WBP11: variants seen among roughly 807,000 people sequenced by gnomAD.
WBP11 encodes WW domain-binding protein 11.
A neutral mutation model predicts 66.7 loss-of-function variants in WBP11; 12 were observed. The ratio of observed to expected loss-of-function variants is 0.18; its 90% CI spans 0.12 to 0.29. WBP11 has a LOEUF of 0.29. WBP11 is among the 10% of genes least tolerant of loss of function. WBP11 has a pLI of 1.00. For synonymous variants in WBP11, 255 were observed against 273.8 expected (o/e 0.93, Z 0.68); for missense variants, 555 against 818.3 (o/e 0.68, Z 3.93).
intron 10 of WBP11, among the ~76,000 whole-genome samples, chr12:14,790,167 C>A (rs1949804407): frequency 6.6e-6 from 1 of 152,206 alleles, no homozygotes; most frequent in Non-Finnish European, 1.5e-5. Context: ...AAAAGCAATA[C>A]TAAAGAAAAC....
chr12:14,799,894 A>G (rs1949939123), intron 3 of WBP11, among the ~76,000 whole-genome samples, 166 bp from the exon 4 acceptor site: 1 of 152,220 alleles, frequency 6.6e-6, no homozygotes. Context: ...ACACTTGTCA[A>G]AAAGATAAAG....
chr12:14,789,219 G>T, intron 10 of WBP11, 86 bp from the exon 11 acceptor site: 1 of 1,230,686 alleles, frequency 8.1e-7, no homozygotes, highest in South Asian at 1.6e-5. Flanking sequence ...AATATGGTTT[G>T]ACTTTAACCT....
chr12:14,788,609 C>G (rs1949783633), intron 11 of WBP11, among the ~76,000 whole-genome samples: 1 of 152,112 alleles, frequency 6.6e-6, no homozygotes, highest in African/African-American at 2.4e-5. Flanking sequence ...CATGTCTAAC[C>G]TTGACATTAG....
In WBP11 at chr12:14,788,847, T is replaced by C. The variant is rs930644427; in HGVS notation, c.1492+104A>G. On this transcript the variant is annotated intron_variant, in intron 11 of 11. Transcript: ENST00000261167. ...GCAACTTAAAAACCACCACTGACTG[T>C]AAGATGACCTCAGATTTCAGAATAC... 3.8e-5 allele frequency: 24 copies of C among 628,984 alleles called. No individual in the cohort carries two copies. In the South Asian group the frequency reaches 8.7e-4, roughly 23 times the overall value. 39.0% of individuals were successfully genotyped at this position (628,984 alleles called of 1,614,324 possible).
At chr12:14,795,880 C>T (rs753717210) in intron 5 of WBP11, among the ~76,000 whole-genome samples, 4 of 152,110 alleles carry the variant, frequency 2.6e-5, no homozygotes, top group East Asian at 1.9e-4. Context: ...TAACCTGTGC[C>T]TTCATCTGTA....
rs772620614 is a variant in WBP11, at chr12:14,790,585, G to A, written c.1180C>T (p.Pro394Ser). 23 of 1,614,022 alleles carry A rather than the reference G, an allele frequency of 1.4e-5. No homozygotes were observed. Among genetic ancestry groups the A allele is most frequent in the Non-Finnish European group, 1.8e-5 (21 of 1,179,880 alleles). Residue 394 changes from proline (P) to serine (S), a missense_variant, in exon 10 of 12, where the codon CCG becomes TCG. Around this residue, in one of 6 missense-constraint regions of WBP11, gnomAD observed 230 missense variants for 286.3 expected, o/e 0.80. Transcript: ENST00000261167. ...STASSQQQAP[P>S]QSVPPSQIQA... ...ATCTGAGAAGGAGGAACAGACTGCG[G>A]CGGAGCCTGCTGCTGTGAAGAAGCA...
At chr12:14,793,261 C>T (rs1394847845) in intron 8 of WBP11, among the ~76,000 whole-genome samples, 1 of 152,134 alleles carries the variant, frequency 6.6e-6, no homozygotes, top group Non-Finnish European at 1.5e-5. Flanking sequence ...AATAATCAAA[C>T]ACACACATTA....
chr12:14,787,467 G>A lies in WBP11; in HGVS notation c.1524C>T (p.Arg508=). The change falls in exon 12 of 12, where the codon CGC becomes CGT. Residue 508 remains arginine, a synonymous_variant. Coordinates refer to ENST00000261167, the MANE Select transcript of WBP11 (RefSeq NM_016312.3). ...GIPPPRPGMM[R]PPLVPPLGPA... Reference sequence around the variant, plus strand: ...GTCCAAGGGGAGGCACCAAAGGTGGGCGCATCATGCCAGGACGAGGTGGAG... The same window carrying A: ...GTCCAAGGGGAGGCACCAAAGGTGGACGCATCATGCCAGGACGAGGTGGAG... The A allele has an allele frequency of 1.3e-6, 2 of 1,520,482 alleles. No individual in the cohort carries two copies. The highest frequency in any genetic ancestry group is 1.3e-5 in the South Asian group (1 of 75,714). The allele number at this position is 1,520,482 out of a possible 1,614,324, so 94.2% of individuals were successfully genotyped here. A position where few individuals can be genotyped will look rare whatever the true frequency, so the allele number is the denominator to read the frequency against.
chr12:14,791,878 A>C (rs1949825483), intron 8 of WBP11, among the ~76,000 whole-genome samples: 1 of 151,854 alleles, frequency 6.6e-6, no homozygotes, highest in Non-Finnish European at 1.5e-5. Context: ...GAAGTAATTC[A>C]GGAATGAAAA....
At chr12:14,794,415 T>C in intron 7 of WBP11, 122 bp downstream of exon 7, 1 of 1,027,056 alleles carries the variant, frequency 9.7e-7, no homozygotes, top group Non-Finnish European at 1.5e-6. Flanking sequence ...TGTATGTATA[T>C]TAGTTATGTA....
At chr12:14,801,478 T>G (rs1048419418) in intron 1 of WBP11, 50 bp from the exon 2 acceptor site, 7 of 1,241,122 alleles carry the variant, frequency 5.6e-6, no homozygotes, top group Non-Finnish European at 8.1e-6. Flanking sequence ...AATGTATTTC[T>G]TCCTTTTTCT....
At chr12:14,801,248 G>C (rs1264243173) in intron 2 of WBP11, 72 bp downstream of exon 2, 1 of 1,470,626 alleles carries the variant, frequency 6.8e-7, no homozygotes, top group East Asian at 2.3e-5. Flanking sequence ...AAGCCACAGA[G>C]AAAGAAATTC....
chr12:14,791,208 C>G lies in WBP11; in HGVS notation c.976G>C (p.Glu326Gln). 1 of 1,614,104 alleles carries G rather than the reference C, an allele frequency of 6.2e-7. No homozygotes were observed. Among genetic ancestry groups the G allele is most frequent in the Non-Finnish European group, 8.5e-7 (1 of 1,180,024 alleles). ...ATCATGGCTTGAAGAGGAGTCAGTT[C>G]CTTCATGTTCTTCTTTTTCTTCCTT... Reference protein sequence around the residue: ...KSRKKKKNMKELTPLQAMMLR... With the variant: ...KSRKKKKNMKQLTPLQAMMLR... The change falls in exon 9 of 12, where the codon GAA becomes CAA. Residue 326 changes from glutamate to glutamine, a missense_variant. Coordinates refer to ENST00000261167, the MANE Select transcript of WBP11 (RefSeq NM_016312.3).
Position 14,794,965 on chromosome 12 carries a change from C to T in WBP11, c.521+6G>A. ...ATGCTCTCTGATTGTGACACTGCTT[C>T]CTTACCCATAGGCTGAGGTTTTCTT... On this transcript the variant is annotated splice_donor_region_variant and intron_variant, in intron 6 of 11. Coordinates refer to ENST00000261167, the MANE Select transcript of WBP11 (RefSeq NM_016312.3). The T allele has an allele frequency of 6.2e-7, 1 of 1,612,122 alleles. No homozygotes were observed. Among genetic ancestry groups the T allele is most frequent in the Non-Finnish European group, 8.5e-7 (1 of 1,179,920 alleles).
rs1460770104 is a variant in WBP11 at position 14,803,407 on chromosome 12, C to T, written c.-101G>A. 5.0e-6 allele frequency: 2 copies of T among 398,786 alleles called. No individual in the cohort carries two copies. Among genetic ancestry groups the T allele is most frequent in the Non-Finnish European group, 8.8e-6 (2 of 226,170 alleles). 24.7% of individuals were successfully genotyped at this position (398,786 alleles called of 1,614,324 possible). On this transcript the variant is annotated 5_prime_UTR_variant, in exon 1 of 12. Transcript: ENST00000261167. ...GCGGGTAGGGGGCGACTCCCGGCCT[C>T]TTTCACTTCGTAAAGGCCTTCAACT...
chr12:14,788,475 A>G (rs554125486), intron 11 of WBP11, among the ~76,000 whole-genome samples: 1 of 152,258 alleles, frequency 6.6e-6, no homozygotes, highest in South Asian at 2.1e-4. Flanking sequence ...CCACTGAGAG[A>G]GAGAGAGGAA....
At chr12:14,793,173 A>G (rs1456323226) in intron 8 of WBP11, among the ~76,000 whole-genome samples, 1 of 152,210 alleles carries the variant, frequency 6.6e-6, no homozygotes, top group African/African-American at 2.4e-5. Context: ...GTTTGACAGA[A>G]TTGGTGTGCA....
rs777528803 is a variant in WBP11 at position 14,793,832 on chromosome 12, G to T, written c.812C>A (p.Thr271Asn). The change falls in exon 8 of 12, where the codon ACT (threonine) becomes AAT (asparagine). Residue 271 changes from threonine to asparagine, a missense_variant. Physicochemically the swap from Thr to Asn is moderately conservative, Grantham distance 65 (BLOSUM62 0). Transcript: ENST00000261167. ...DMDQDKHDDS[T>N]DDSDTDKSDG... is the part of the protein sequence containing the mutation. Reference sequence around the variant, plus strand: ...TGATTTGTCGGTGTCACTGTCATCAGTACTGTCATCATGCTTATCTTGATC... The same window carrying T: ...TGATTTGTCGGTGTCACTGTCATCATTACTGTCATCATGCTTATCTTGATC... 1.2e-6 allele frequency: 2 copies of T among 1,613,934 alleles called. No individual in the cohort carries two copies. The highest frequency in any genetic ancestry group is 2.2e-5 in the South Asian group (2 of 91,062).
chr12:14,800,834 AGC>A (rs781525085), intron 2 of WBP11, 51 bp from the exon 3 acceptor site: 30 of 1,472,974 alleles, frequency 2.0e-5, no homozygotes, highest in Admixed American at 1.9e-5. Flanking sequence ...CTTGAACATT[AGC>A]ATTTCCTCCA....
Sources: allele counts gnomAD v4.1 joint callset (sites outside exome capture counted in the v4.1 genomes callset), GRCh38; gene constraint gnomAD v4.1.1; regional missense constraint gnomAD v4.1.1; transcripts MANE v1.5; gene names NCBI Gene and HGNC (gene_info 2026-07-23, HGNC 2026-07-21).